The following EGFLAM variants were observed in gnomAD, a reference collection of about 807,000 sequenced individuals.
EGFLAM encodes the protein pikachurin.
EGFLAM carries 79 observed loss-of-function variants against 113.1 expected under a neutral mutation model. That is an observed-to-expected ratio of 0.70 (90% confidence interval 0.58 to 0.84). The LOEUF (loss-of-function observed/expected upper bound fraction) is 0.84, where lower values mean the gene tolerates loss of function less well. Ranked by LOEUF, EGFLAM falls within the 40% of genes least tolerant of loss-of-function variation. The pLI is 0.00. For synonymous variants in EGFLAM, 504 were observed against 487.6 expected, an observed-to-expected ratio of 1.03 and a Z score of -0.44; for missense variants, 1,265 against 1,291.6, an observed-to-expected ratio of 0.98 and a Z score of 0.32.
At chr5:38,334,230 G>C (rs1466234711) in intron 1 of EGFLAM, among the ~76,000 whole-genome samples, 6 of 152,092 alleles carry the variant, frequency 3.9e-5, no homozygotes, top group Admixed American at 3.9e-4. Flanking sequence ...GGCCTGTTGA[G>C]TTTTAAGAGT....
intron 1 of EGFLAM, among the ~76,000 whole-genome samples, chr5:38,262,007 C>A (rs1189274136): frequency 6.6e-6 from 1 of 152,206 alleles, no homozygotes; most frequent in Non-Finnish European, 1.5e-5. Flanking sequence ...CATTGGATAG[C>A]CTTCATTCCT....
At chr5:38,336,119 CAT>C (rs1739174406) in intron 1 of EGFLAM, among the ~76,000 whole-genome samples, 1 of 151,956 alleles carries the variant, frequency 6.6e-6, no homozygotes, top group Admixed American at 6.6e-5. Flanking sequence ...TATTATGGCA[CAT>C]GTGTTATATG....
At chr5:38,460,193 A>C (rs1743225244) in intron 20 of EGFLAM, among the ~76,000 whole-genome samples, 1 of 152,246 alleles carries the variant, frequency 6.6e-6, no homozygotes, top group Non-Finnish European at 1.5e-5. Flanking sequence ...ATCAGGGAAC[A>C]ACACCCTTCT....
In EGFLAM at chr5:38,420,350, G is replaced by A. The variant is rs76125804; in HGVS notation, c.1684+2095G>A. On this transcript the variant is annotated intron_variant, in intron 12 of 21. Coordinates refer to ENST00000322350, the MANE Select transcript of EGFLAM (RefSeq NM_152403.4). ...AGCAATGACTGAAACAATTATTAAA[G>A]CTGTCACTATGGTAGGACAATGTCT... is the stretch of plus-strand genomic sequence containing the variant. 1.1e-3 allele frequency among the ~76,000 whole-genome samples: 160 copies of A among 152,320 alleles called. 1 individual carries two copies. In the East Asian group the frequency reaches 0.025, roughly 24 times the overall value.
chr5:38,359,742 T>A (rs1053097119), intron 5 of EGFLAM, among the ~76,000 whole-genome samples: 13 of 152,236 alleles, frequency 8.5e-5, no homozygotes, highest in Non-Finnish European at 1.8e-4. Context: ...TATGTCTGTG[T>A]ATGTTTTAGG....
At chr5:38,452,825 A>C (rs1742966080) in intron 19 of EGFLAM, among the ~76,000 whole-genome samples, 1 of 152,232 alleles carries the variant, frequency 6.6e-6, no homozygotes, top group African/African-American at 2.4e-5. Context: ...CTTTTAAGTG[A>C]ATTTAGACTG....
chr5:38,352,368 GC>G, intron 5 of EGFLAM, 37 bp downstream of exon 5: 2 of 1,609,918 alleles, frequency 1.2e-6, no homozygotes, highest in Non-Finnish European at 1.7e-6. Context: ...CCAAATGTGT[GC>G]TGGGCGCGGT....
intron 15 of EGFLAM, among the ~76,000 whole-genome samples, chr5:38,434,289 G>C (rs1422936634): frequency 6.6e-6 from 1 of 152,076 alleles, no homozygotes; most frequent in Non-Finnish European, 1.5e-5. Context: ...TCCCGTGTCC[G>C]GCACCCAGGT....
intron 1 of EGFLAM, among the ~76,000 whole-genome samples, chr5:38,332,453 G>A (rs1247274589): frequency 6.6e-6 from 1 of 152,054 alleles, no homozygotes; most frequent in African/African-American, 2.4e-5. Context: ...CCCCCATCAA[G>A]TAGACCCCAG....
chr5:38,413,305 G>A (rs10473098), intron 11 of EGFLAM, among the ~76,000 whole-genome samples: 10 of 149,908 alleles, frequency 6.7e-5, no homozygotes, highest in Non-Finnish European at 1.5e-4. Flanking sequence ...CTGGGGTTAC[G>A]GGGATGAGCC....
rs1458621416 is a variant in EGFLAM at position 38,295,438 on chromosome 5, T to C, written c.97+36587T>C. On this transcript the variant is annotated intron_variant, in intron 1 of 21. Coordinates refer to ENST00000322350, the MANE Select transcript of EGFLAM (RefSeq NM_152403.4). Reference sequence around the variant, plus strand: ...TAAAAAAGTTTTTAAAAATATGGCTTGTGAATAAAGTTTAGATTGAAAAAC... The same window carrying C: ...TAAAAAAGTTTTTAAAAATATGGCTCGTGAATAAAGTTTAGATTGAAAAAC... 2.6e-5 allele frequency among the ~76,000 whole-genome samples: 4 copies of C among 152,204 alleles called. No individual in the cohort carries two copies. In the East Asian group the frequency reaches 7.7e-4, roughly 29 times the overall value.
intron 5 of EGFLAM, among the ~76,000 whole-genome samples, chr5:38,362,520 C>A (rs1739951009): frequency 6.6e-6 from 1 of 152,108 alleles, no homozygotes; most frequent in Non-Finnish European, 1.5e-5. Context: ...TCCCTAATCT[C>A]CCTTTCTTTT....
At chr5:38,288,761 A>G (rs1758232863) in intron 1 of EGFLAM, among the ~76,000 whole-genome samples, 1 of 152,250 alleles carries the variant, frequency 6.6e-6, no homozygotes, top group African/African-American at 2.4e-5. Context: ...AACAAGTTAC[A>G]TATTTCAGTT....
intron 6 of EGFLAM, among the ~76,000 whole-genome samples, chr5:38,405,181 T>A (rs1741243779): frequency 6.6e-6 from 1 of 152,122 alleles, no homozygotes. Flanking sequence ...CAAAAGTATA[T>A]ATATGTATAT....
chr5:38,421,485 C>T (rs1017569654), intron 12 of EGFLAM, among the ~76,000 whole-genome samples: 3 of 152,210 alleles, frequency 2.0e-5, no homozygotes, highest in Non-Finnish European at 4.4e-5. Flanking sequence ...CTCACTATGG[C>T]TTACGAGCTC....
Position 38,451,300 on chromosome 5 carries a change from G to A in EGFLAM, c.2544-15G>A, listed in dbSNP as rs1004838099. The A allele has an allele frequency of 2.5e-6, 4 of 1,609,336 alleles. No homozygotes were observed. The highest frequency in any genetic ancestry group is 3.4e-6 in the Non-Finnish European group (4 of 1,176,948). ...GGTGGTTGATTTGGTGGACTTATTT[G>A]TGTATTTCCTCCAGGGTGTCAGGAT... On this transcript the variant is annotated splice_polypyrimidine_tract_variant and intron_variant, in intron 18 of 21. Transcript: ENST00000322350.
intron 1 of EGFLAM, among the ~76,000 whole-genome samples, chr5:38,325,963 AAT>A (rs1352788410): frequency 1.3e-5 from 2 of 151,896 alleles, no homozygotes; most frequent in East Asian, 1.9e-4. Flanking sequence ...CGTATATATT[AAT>A]ATGTTTATTT....
chr5:38,359,333 A>G (rs1272276931), intron 5 of EGFLAM, among the ~76,000 whole-genome samples: 1 of 152,086 alleles, frequency 6.6e-6, no homozygotes, highest in Non-Finnish European at 1.5e-5. Context: ...TTGCATTGTC[A>G]CCTTCTGGAA....
intron 1 of EGFLAM, among the ~76,000 whole-genome samples, chr5:38,287,838 T>G (rs1428392444): frequency 6.6e-6 from 1 of 152,262 alleles, no homozygotes; most frequent in Non-Finnish European, 1.5e-5. Flanking sequence ...GTGATTTTGC[T>G]AATCAGTCAT....
Sources: gnomAD v4.1 joint callset for allele counts (sites outside exome capture counted in the v4.1 genomes callset) on GRCh38, gnomAD v4.1.1 for gene constraint, MANE v1.5 for transcripts, NCBI Gene and HGNC (gene_info 2026-07-23, HGNC 2026-07-21) for gene names.